The following ZDHHC14 variants were observed in gnomAD, a reference collection of about 807,000 sequenced individuals.
The protein encoded by ZDHHC14 is zDHHC palmitoyltransferase 14.
In ZDHHC14, 16 loss-of-function variants were observed where a neutral mutation model predicts 47.7. That is an observed-to-expected ratio of 0.34 (90% CI 0.23 to 0.51). ZDHHC14 has a LOEUF of 0.51. ZDHHC14 is among the 20% of genes least tolerant of loss of function. The pLI is 0.97. For missense variants in ZDHHC14, 515 were observed against 662.5 expected (o/e 0.78, Z 2.44); for synonymous variants, 293 against 278.9 (o/e 1.05, Z -0.50).
intron 3 of ZDHHC14, among the ~76,000 whole-genome samples, chr6:157,597,509 TAAG>T (rs769710481): frequency 6.6e-6 from 1 of 152,228 alleles, no homozygotes; most frequent in Non-Finnish European, 1.5e-5. Context: ...GACAAACTAA[TAAG>T]AAAGTTTGCT....
intron 1 of ZDHHC14, among the ~76,000 whole-genome samples, chr6:157,496,975 G>A (rs1413849874): frequency 6.6e-6 from 1 of 152,166 alleles, no homozygotes; most frequent in Non-Finnish European, 1.5e-5. Flanking sequence ...ATTGTGTGTG[G>A]GTAGAGGTAG....
intron 8 of ZDHHC14, among the ~76,000 whole-genome samples, chr6:157,655,263 T>A (rs1224840122): frequency 6.6e-6 from 1 of 152,134 alleles, no homozygotes; most frequent in Non-Finnish European, 1.5e-5. Context: ...GGGCGCGTGG[T>A]GGTCAGCACC....
At chr6:157,660,154 G>A (rs559497553) in intron 8 of ZDHHC14, among the ~76,000 whole-genome samples, 1 of 151,518 alleles carries the variant, frequency 6.6e-6, no homozygotes, top group South Asian at 2.1e-4. Flanking sequence ...AGCTAGAGAT[G>A]CCAGGCCCAT....
At chr6:157,620,825 G>A (rs896759228) in intron 3 of ZDHHC14, among the ~76,000 whole-genome samples, 1 of 152,250 alleles carries the variant, frequency 6.6e-6, no homozygotes, top group African/African-American at 2.4e-5. Flanking sequence ...GTGTGAGGCA[G>A]TCACAGGTGG....
At chr6:157,451,073 G>A (rs952700005) in intron 1 of ZDHHC14, among the ~76,000 whole-genome samples, 4 of 151,570 alleles carry the variant, frequency 2.6e-5, no homozygotes, top group African/African-American at 4.8e-5. Flanking sequence ...AGATCTGACC[G>A]CTTGTCAAGG....
At position 157,381,976 on chromosome 6, in the gene ZDHHC14, C is replaced by CG. The variant is rs1777220729; in HGVS notation, c.-40dup. 1 of 1,109,612 alleles carries CG rather than the reference C, an allele frequency of 9.0e-7. No homozygotes were observed. The highest frequency in any genetic ancestry group is 5.2e-5 in the Admixed American group (1 of 19,134). 68.7% of individuals were successfully genotyped at this position (1,109,612 alleles called of 1,614,324 possible). Reference sequence around the variant, plus strand: ...CGTGGCTCGGCGGGGCCCGCGCGGCCGGGGGGCTCCTGGGGGTGTGCGCCC... The same window carrying CG: ...CGTGGCTCGGCGGGGCCCGCGCGGCCGGGGGGGCTCCTGGGGGTGTGCGCCC... On this transcript the variant is annotated 5_prime_UTR_variant, in exon 1 of 9. Coordinates refer to ENST00000359775, the MANE Select transcript of ZDHHC14 (RefSeq NM_024630.3).
rs781533305 is a variant in ZDHHC14 at position 157,522,920 on chromosome 6, CCTTT to C, written c.246-19643_246-19640del. ...TCCTTCCTTCCTTCCTTCCTTCCTTCCTTTCTTTCTTTCTTTCTTTCTTTCCTTC... is the reference window on the plus strand; with the variant it reads ...TCCTTCCTTCCTTCCTTCCTTCCTTCCTTTCTTTCTTTCTTTCTTTCCTTC... On this transcript the variant is annotated intron_variant, in intron 1 of 8. Transcript: ENST00000359775. 1.6e-3 allele frequency among the ~76,000 whole-genome samples: 50 copies of C among 32,052 alleles called. 7 individuals carry two copies. The highest frequency in any genetic ancestry group is 6.1e-3 in the East Asian group (12 of 1,954). 21.0% of individuals were successfully genotyped at this position (32,052 alleles called of 152,430 possible). A position where few individuals can be genotyped will look rare whatever the true frequency, so the allele number is the denominator to read the frequency against.
At chr6:157,571,286 G>A (rs1783087925) in intron 2 of ZDHHC14, among the ~76,000 whole-genome samples, 1 of 152,148 alleles carries the variant, frequency 6.6e-6, no homozygotes, top group African/African-American at 2.4e-5. Context: ...ATGCACTCTA[G>A]ACCACAGCTA....
chr6:157,395,650 C>T (rs2749670), intron 1 of ZDHHC14, among the ~76,000 whole-genome samples: 103,649 of 151,940 alleles, frequency 0.68, 37,023 homozygotes, highest in Middle Eastern at 0.88. Context: ...AAAAATTAGC[C>T]GGACGTGGTG....
intron 2 of ZDHHC14, among the ~76,000 whole-genome samples, chr6:157,560,767 C>T (rs906190381): frequency 2.0e-5 from 3 of 152,200 alleles, no homozygotes; most frequent in South Asian, 2.1e-4. Flanking sequence ...TGGCAAATCA[C>T]GAATTCTCTC....
Position 157,381,513 on chromosome 6 carries a change from C to T in ZDHHC14, c.-509C>T, listed in dbSNP as rs1157642183. 7.4e-6 allele frequency: 3 copies of T among 405,652 alleles called. No homozygotes were observed. The highest frequency in any genetic ancestry group is 5.0e-5 in the South Asian group (3 of 60,128). 25.1% of individuals were successfully genotyped at this position (405,652 alleles called of 1,614,324 possible). A position where few individuals can be genotyped will look rare whatever the true frequency, so the allele number is the denominator to read the frequency against. ...CGCCAGCGCTCTCTCCTGGGAGGAT[C>T]CGCTGCCGGAGGAAGGAGTGGACCC... On this transcript the variant is annotated 5_prime_UTR_variant, in exon 1 of 9. Transcript: ENST00000359775.
At chr6:157,671,665 CAG>C (rs1446149946) in intron 8 of ZDHHC14, among the ~76,000 whole-genome samples, 1 of 152,132 alleles carries the variant, frequency 6.6e-6, no homozygotes, top group East Asian at 1.9e-4. Flanking sequence ...CGAAGGGAAA[CAG>C]AGGACACGAG....
chr6:157,509,122 C>T (rs1490585747), intron 1 of ZDHHC14, among the ~76,000 whole-genome samples: 1 of 152,134 alleles, frequency 6.6e-6, no homozygotes, highest in African/African-American at 2.4e-5. Flanking sequence ...GAATCTCTGC[C>T]TCTCTCCTCC....
In ZDHHC14 at chr6:157,677,404, G is replaced by A. The variant is rs1331966913; in HGVS notation, c.*4282G>A. The A allele has an allele frequency of 6.6e-6, 1 of 151,022 alleles. No homozygotes were observed. The highest frequency in any genetic ancestry group is 1.5e-5 in the Non-Finnish European group (1 of 67,890). 9.4% of individuals were successfully genotyped at this position (151,022 alleles called of 1,614,324 possible). On this transcript the variant is annotated 3_prime_UTR_variant, in exon 9 of 9. Coordinates refer to ENST00000359775, the MANE Select transcript of ZDHHC14 (RefSeq NM_024630.3). ...TAGTTTGTAAATCAGTAAATCCTCT[G>A]TCCATCTGCCCATTGTCCATGGTCC...
intron 3 of ZDHHC14, among the ~76,000 whole-genome samples, chr6:157,628,058 A>G (rs538363189): frequency 1.5e-3 from 231 of 152,360 alleles, no homozygotes; most frequent in Non-Finnish European, 2.9e-3. Flanking sequence ...AGGAATCTTT[A>G]CTTTCCAAAA....
At chr6:157,479,087 C>A (rs937852742) in intron 1 of ZDHHC14, among the ~76,000 whole-genome samples, 6 of 152,204 alleles carry the variant, frequency 3.9e-5, no homozygotes, top group Admixed American at 1.3e-4. Context: ...AGAAAGCCAG[C>A]ATGGCATTGT....
At chr6:157,618,265 C>T (rs1404194797) in intron 3 of ZDHHC14, among the ~76,000 whole-genome samples, 6 of 151,928 alleles carry the variant, frequency 3.9e-5, no homozygotes, top group African/African-American at 1.2e-4. Context: ...GGAGAATGAC[C>T]GAAGACCACC....
At chr6:157,477,119 T>C (rs370733861) in intron 1 of ZDHHC14, among the ~76,000 whole-genome samples, 4 of 152,326 alleles carry the variant, frequency 2.6e-5, no homozygotes, top group Admixed American at 1.3e-4. Context: ...CAGTGACTCA[T>C]GCCTTAATCC....
At chr6:157,603,879 A>G (rs1386651919) in intron 3 of ZDHHC14, among the ~76,000 whole-genome samples, 3 of 152,244 alleles carry the variant, frequency 2.0e-5, no homozygotes, top group African/African-American at 7.2e-5. Flanking sequence ...TGTCCAAGGA[A>G]GGCACACAAC....
Sources: gnomAD v4.1 joint callset for allele counts (sites outside exome capture counted in the v4.1 genomes callset) on GRCh38, gnomAD v4.1.1 for gene constraint, MANE v1.5 for transcripts, NCBI Gene and HGNC (gene_info 2026-07-23, HGNC 2026-07-21) for gene names.